Variants in SPOCK1 observed in about 807,000 individuals in gnomAD.
The protein encoded by SPOCK1 is testican-1.
A neutral mutation model predicts 55.3 loss-of-function variants in SPOCK1; 23 were observed. The observed-to-expected ratio is 0.42, with a 90% CI of 0.30 to 0.59. The LOEUF is 0.59. Among genes scored for constraint, SPOCK1 ranks in the 20% least tolerant of loss-of-function variants. SPOCK1 has a pLI of 0.22. For missense variants in SPOCK1, 499 were observed against 552.5 expected (o/e 0.90, Z 0.97); for synonymous variants, 226 against 221.0 (o/e 1.02, Z -0.20).
At chr5:137,071,714 G>T (rs1752618342) in intron 5 of SPOCK1, among the ~76,000 whole-genome samples, 1 of 152,170 alleles carries the variant, frequency 6.6e-6, no homozygotes, top group African/African-American at 2.4e-5. Flanking sequence ...AGAGTGTGAA[G>T]CTCTGCTCCT....
chr5:137,102,763 A>G (rs1489510587), intron 5 of SPOCK1, among the ~76,000 whole-genome samples: 1 of 152,150 alleles, frequency 6.6e-6, no homozygotes, highest in Non-Finnish European at 1.5e-5. Flanking sequence ...CTCATTTTCA[A>G]TTTAGGACTG....
intron 3 of SPOCK1, among the ~76,000 whole-genome samples, chr5:137,160,326 A>G (rs1754501530): frequency 1.6e-5 from 2 of 124,740 alleles, no homozygotes; most frequent in Admixed American, 1.1e-4. Flanking sequence ...TCCATAATAT[A>G]TATATTATAT....
At chr5:137,278,278 C>A (rs1757107039) in intron 2 of SPOCK1, among the ~76,000 whole-genome samples, 1 of 152,184 alleles carries the variant, frequency 6.6e-6, no homozygotes, top group Admixed American at 6.5e-5. Context: ...TCACCAAAGC[C>A]CCAGAAATAA....
At chr5:137,476,265 A>G in intron 2 of SPOCK1, among the ~76,000 whole-genome samples, 1 of 152,194 alleles carries the variant, frequency 6.6e-6, no homozygotes, top group East Asian at 1.9e-4. Flanking sequence ...AAGAATATGT[A>G]AGAAATTAAA....
intron 3 of SPOCK1, among the ~76,000 whole-genome samples, chr5:137,151,408 C>T (rs994017965): frequency 3.9e-5 from 6 of 152,114 alleles, no homozygotes; most frequent in Admixed American, 3.9e-4. Context: ...ATTCTGCCCC[C>T]GAACCTCAAA....
At chr5:137,470,919 C>G (rs1309051131) in intron 2 of SPOCK1, among the ~76,000 whole-genome samples, 1 of 152,152 alleles carries the variant, frequency 6.6e-6, no homozygotes, top group African/African-American at 2.4e-5. Context: ...CAACCTTGGG[C>G]AACATGGTTA....
chr5:137,137,618 C>G (rs1296382613), intron 4 of SPOCK1, among the ~76,000 whole-genome samples: 1 of 152,140 alleles, frequency 6.6e-6, no homozygotes, highest in Non-Finnish European at 1.5e-5. Context: ...TCCATTGAAC[C>G]AGTGGGCCCA....
At chr5:137,361,772 T>C (rs1750950811) in intron 2 of SPOCK1, among the ~76,000 whole-genome samples, 1 of 152,096 alleles carries the variant, frequency 6.6e-6, no homozygotes, top group African/African-American at 2.4e-5. Flanking sequence ...AAAAGCAAAT[T>C]ACTGAGAAAA....
chr5:137,022,950 T>C (rs1379454385), intron 6 of SPOCK1, among the ~76,000 whole-genome samples: 2 of 152,208 alleles, frequency 1.3e-5, no homozygotes, highest in Non-Finnish European at 2.9e-5. Context: ...CTGAGTTTGC[T>C]CTTTCTTTCC....
At chr5:137,249,159 C>T (rs1276189540) in intron 3 of SPOCK1, among the ~76,000 whole-genome samples, 3 of 152,218 alleles carry the variant, frequency 2.0e-5, no homozygotes, top group South Asian at 2.1e-4. Context: ...ACATTCATGG[C>T]TCAGGCAAAT....
rs1756869939 is a variant in SPOCK1, at chr5:137,267,026, G to T, written c.216C>A (p.Asn72Lys). 8 of 1,613,018 alleles carry T rather than the reference G, an allele frequency of 5.0e-6. No homozygotes were observed. Among genetic ancestry groups the T allele is most frequent in the Non-Finnish European group, 6.8e-6 (8 of 1,179,100 alleles). ...DDDYFRNWNP[N>K]KPFDQALDPS... Reference sequence around the variant, plus strand: ...ATCCATTACCTTGGTCAAAGGGCTTGTTGGGATTCCAGTTTCTGAAATAAT... The same window carrying T: ...ATCCATTACCTTGGTCAAAGGGCTTTTTGGGATTCCAGTTTCTGAAATAAT... The change falls in exon 3 of 11, where the codon AAC becomes AAA. Residue 72 changes from asparagine to lysine, a missense_variant. This residue lies in a region of SPOCK1 where 386 missense variants were observed against 400.6 expected (regional missense o/e 0.96). Coordinates refer to ENST00000394945, the MANE Select transcript of SPOCK1 (RefSeq NM_004598.4).
At chr5:137,259,536 G>A (rs1756705303) in intron 3 of SPOCK1, among the ~76,000 whole-genome samples, 1 of 152,124 alleles carries the variant, frequency 6.6e-6, no homozygotes, top group Non-Finnish European at 1.5e-5. Context: ...AACACCTAAT[G>A]TAGATGACGG....
intron 2 of SPOCK1, among the ~76,000 whole-genome samples, chr5:137,308,164 G>A (rs138010207): frequency 2.0e-5 from 3 of 152,168 alleles, no homozygotes; most frequent in African/African-American, 7.2e-5. Context: ...CTGGACTTCA[G>A]CCAGTGCAGG....
At chr5:137,322,061 T>G (rs1290139110) in intron 2 of SPOCK1, among the ~76,000 whole-genome samples, 1 of 152,054 alleles carries the variant, frequency 6.6e-6, no homozygotes, top group Non-Finnish European at 1.5e-5. Flanking sequence ...AAAACACTGG[T>G]CAGCAACATA....
chr5:137,489,326 G>A lies in SPOCK1; in HGVS notation c.186+9047C>T, dbSNP rs543063926. On this transcript the variant is annotated intron_variant, in intron 2 of 10. Coordinates refer to ENST00000394945, the MANE Select transcript of SPOCK1 (RefSeq NM_004598.4). Reference sequence around the variant, plus strand: ...AAAGGTAAGGGGAGGAGCTGAAGGAGCAACCCCATGTATACTAGTCTCATT... The same window carrying A: ...AAAGGTAAGGGGAGGAGCTGAAGGAACAACCCCATGTATACTAGTCTCATT... Among the ~76,000 whole-genome samples the A allele has an allele frequency of 1.1e-4, 16 of 152,280 alleles. 2 individuals are homozygous for A. The East Asian group carries it at 2.9e-3, about 28-fold the overall frequency.
intron 2 of SPOCK1, among the ~76,000 whole-genome samples, chr5:137,397,346 T>G (rs1398132103): frequency 6.6e-6 from 1 of 152,200 alleles, no homozygotes; most frequent in African/African-American, 2.4e-5. Flanking sequence ...CTTGCTGTCA[T>G]CTCCTAGAGA....
intron 3 of SPOCK1, among the ~76,000 whole-genome samples, chr5:137,166,436 A>G (rs1398638102): frequency 7.0e-6 from 1 of 143,298 alleles, no homozygotes; most frequent in East Asian, 2.0e-4. Context: ...CTTCAATTAG[A>G]AAAAAAAAAA....
chr5:137,224,770 G>A (rs1302156595), intron 3 of SPOCK1, among the ~76,000 whole-genome samples: 3 of 152,104 alleles, frequency 2.0e-5, no homozygotes, highest in Non-Finnish European at 2.9e-5. Context: ...AGGGAGACCC[G>A]CAGGCAGCAT....
chr5:137,182,819 T>A (rs921518029), intron 3 of SPOCK1, among the ~76,000 whole-genome samples: 1 of 152,178 alleles, frequency 6.6e-6, no homozygotes, highest in Non-Finnish European at 1.5e-5. Flanking sequence ...GCTCCTAAGC[T>A]GAAACTCTCC....
Sources: gnomAD v4.1 joint callset for allele counts (sites outside exome capture counted in the v4.1 genomes callset) on GRCh38, gnomAD v4.1.1 for gene constraint, gnomAD v4.1.1 regional missense constraint, MANE v1.5 for transcripts, NCBI Gene and HGNC (gene_info 2026-07-23, HGNC 2026-07-21) for gene names.